NAALADL2: variants seen among roughly 807,000 people sequenced by gnomAD.
NAALADL2 encodes N-acetylated alpha-linked acidic dipeptidase like 2.
NAALADL2 carries 76 observed loss-of-function variants against 87.2 expected under a neutral mutation model. The ratio of observed to expected loss-of-function variants is 0.87; its 90% CI spans 0.72 to 1.05. The LOEUF (loss-of-function observed/expected upper bound fraction) is 1.05. Among genes scored for constraint, NAALADL2 ranks in the 50% least tolerant of loss-of-function variants. The pLI, the probability that NAALADL2 is intolerant of heterozygous loss-of-function variation, is 0.00. For synonymous variants in NAALADL2, 354 were observed against 331.0 expected, an observed-to-expected ratio of 1.07 and a Z score of -0.75; for missense variants, 1,089 against 945.8, an observed-to-expected ratio of 1.15 and a Z score of -1.99.
At chr3:174,713,597 G>A (rs1384968770) in intron 2 of NAALADL2, among the ~76,000 whole-genome samples, 4 of 152,212 alleles carry the variant, frequency 2.6e-5, no homozygotes, top group African/African-American at 9.7e-5. Context: ...CTGCATAAAT[G>A]TCTTGTTTTG....
At chr3:174,574,241 CT>C (rs148910501) in intron 2 of NAALADL2, among the ~76,000 whole-genome samples, 61 of 151,166 alleles carry the variant, frequency 4.0e-4, no homozygotes, top group African/African-American at 5.6e-4. Flanking sequence ...GAATTTTTGA[CT>C]TTTTTTTTGT....
rs185600542 is a variant in NAALADL2 at position 174,974,440 on chromosome 3, C to T, written c.43+114990C>T. 2.8e-4 allele frequency among the ~76,000 whole-genome samples: 43 copies of T among 152,186 alleles called. 1 individual carries two copies. The highest frequency in any genetic ancestry group is 2.3e-3 in the Admixed American group (35 of 15,290). Reference sequence around the variant, plus strand: ...TTGCTGTGGAACTTAGGTAAGTCACCGAACATTTAATGGGCCTTGGTTTTA... The same window carrying T: ...TTGCTGTGGAACTTAGGTAAGTCACTGAACATTTAATGGGCCTTGGTTTTA... On this transcript the variant is annotated intron_variant, in intron 1 of 13. Coordinates refer to ENST00000454872, the MANE Select transcript of NAALADL2 (RefSeq NM_207015.3).
At chr3:175,026,395 C>A (rs1752228796) in intron 1 of NAALADL2, among the ~76,000 whole-genome samples, 2 of 151,078 alleles carry the variant, frequency 1.3e-5, no homozygotes, top group African/African-American at 4.9e-5. Flanking sequence ...ATCTGTAATC[C>A]CAGCACTTTG....
intron 1 of NAALADL2, among the ~76,000 whole-genome samples, chr3:175,066,084 G>A (rs1714490522): frequency 2.0e-5 from 3 of 152,078 alleles, no homozygotes; most frequent in Non-Finnish European, 4.4e-5. Flanking sequence ...GAGAACAAGT[G>A]GAAATCCTGA....
chr3:175,361,128 C>T (rs1764959762), intron 5 of NAALADL2, among the ~76,000 whole-genome samples: 2 of 151,168 alleles, frequency 1.3e-5, no homozygotes, highest in Admixed American at 6.6e-5. Context: ...GTTTGGTTTT[C>T]TGTCCTTCTG....
Position 175,737,338 on chromosome 3 carries a change from C to T in NAALADL2, c.1929C>T (p.Asn643=), listed in dbSNP as rs200674623. The part of the protein sequence containing the change: ...LSGEVILQIA[N]EPVLPFNALD... ...GAGAAGTGATTTTGCAAATTGCCAA[C>T]GAACCTGTTCTGCCCTTTAATGCAC... is the stretch of plus-strand genomic sequence containing the variant. The change falls in exon 12 of 14, where the codon AAC becomes AAT. Residue 643 remains asparagine, a synonymous_variant. Coordinates refer to ENST00000454872, the MANE Select transcript of NAALADL2 (RefSeq NM_207015.3). 175 of 1,611,932 alleles carry T rather than the reference C, an allele frequency of 1.1e-4. No individual in the cohort carries two copies. In the African/African-American group the frequency reaches 1.6e-3, roughly 15 times the overall value.
At chr3:175,557,921 G>A (rs1015297209) in intron 9 of NAALADL2, among the ~76,000 whole-genome samples, 3 of 152,086 alleles carry the variant, frequency 2.0e-5, no homozygotes, top group African/African-American at 4.8e-5. Flanking sequence ...AGGGCCGGGC[G>A]CGGTGGCTCA....
chr3:174,755,451 A>G (rs1264614738), intron 3 of NAALADL2, among the ~76,000 whole-genome samples: 1 of 152,210 alleles, frequency 6.6e-6, no homozygotes, highest in East Asian at 1.9e-4. Flanking sequence ...AATATGTAAC[A>G]AAGTTTTGTT....
intron 10 of NAALADL2, among the ~76,000 whole-genome samples, chr3:175,597,119 A>G (rs539983726): frequency 1.3e-5 from 2 of 152,004 alleles, no homozygotes; most frequent in Admixed American, 6.6e-5. Flanking sequence ...GTAACTTTCA[A>G]CTCTTATTAG....
At chr3:175,780,253 G>A (rs1166929428) in intron 13 of NAALADL2, among the ~76,000 whole-genome samples, 2 of 151,416 alleles carry the variant, frequency 1.3e-5, no homozygotes, top group Admixed American at 6.6e-5. Context: ...TCCAGCCTGG[G>A]TGACAGAGCG....
At chr3:175,610,664 A>T (rs188800603) in intron 10 of NAALADL2, among the ~76,000 whole-genome samples, 300 of 152,196 alleles carry the variant, frequency 2.0e-3, no homozygotes, top group African/African-American at 7.0e-3. Context: ...TTTTGTGTGG[A>T]ATTTTTGATC....
chr3:174,707,180 C>A (rs1730156675), intron 2 of NAALADL2, among the ~76,000 whole-genome samples: 1 of 152,136 alleles, frequency 6.6e-6, no homozygotes, highest in African/African-American at 2.4e-5. Context: ...AATTGGAACA[C>A]TTTTACACTG....
At chr3:175,426,744 G>A (rs1716850751) in intron 5 of NAALADL2, among the ~76,000 whole-genome samples, 1 of 151,824 alleles carries the variant, frequency 6.6e-6, no homozygotes, top group Non-Finnish European at 1.5e-5. Flanking sequence ...CCGCCAAACA[G>A]CATTTTTGTA....
At chr3:175,267,673 T>G (rs62285941) in intron 4 of NAALADL2, among the ~76,000 whole-genome samples, 21,790 of 152,100 alleles carry the variant, frequency 0.14, 1,877 homozygotes, top group Admixed American at 0.23. Context: ...CCTAGAGACA[T>G]TCTTTACAGT....
chr3:175,418,539 C>G (rs944408528), intron 5 of NAALADL2, among the ~76,000 whole-genome samples: 5 of 152,080 alleles, frequency 3.3e-5, no homozygotes, highest in African/African-American at 1.2e-4. Context: ...CTTCTCTGAG[C>G]AATGCATCAC....
chr3:175,230,285 G>T (rs1318178070), intron 2 of NAALADL2, among the ~76,000 whole-genome samples: 1 of 152,108 alleles, frequency 6.6e-6, no homozygotes, highest in African/African-American at 2.4e-5. Flanking sequence ...ATCAGAAAAT[G>T]TGAAAACAAT....
intron 5 of NAALADL2, among the ~76,000 whole-genome samples, chr3:175,381,313 G>C (rs1015218489): frequency 2.0e-5 from 3 of 151,560 alleles, no homozygotes; most frequent in Non-Finnish European, 4.4e-5. Context: ...TTTAGTTGTA[G>C]AGGGGAAAGC....
At chr3:174,927,361 A>G (rs1736223026) in intron 1 of NAALADL2, among the ~76,000 whole-genome samples, 1 of 152,232 alleles carries the variant, frequency 6.6e-6, no homozygotes, top group Non-Finnish European at 1.5e-5. Flanking sequence ...AGCAGACCTA[A>G]TAGACATCTA....
At chr3:174,859,293 A>G (rs1250195512), upstream of NAALADL2, 1 of 733,344 alleles carries the variant, frequency 1.4e-6, no homozygotes, top group Non-Finnish European at 2.3e-6. Context: ...TTCACAGAAG[A>G]AAGCAGGTAG....
Sources: allele counts gnomAD v4.1 joint callset (sites outside exome capture counted in the v4.1 genomes callset), GRCh38; gene constraint gnomAD v4.1.1; transcripts MANE v1.5; gene names NCBI Gene and HGNC (gene_info 2026-07-23, HGNC 2026-07-21).